The following LEKR1 variants were observed in gnomAD, a reference collection of about 807,000 sequenced individuals.
The protein encoded by LEKR1 is protein LEKR1.
A neutral mutation model predicts 72.4 loss-of-function variants in LEKR1; 59 were observed. The observed-to-expected ratio is 0.82, with a 90% confidence interval of 0.66 to 1.01. LEKR1 has a LOEUF of 1.01. Ranked by LOEUF, LEKR1 falls within the 50% of genes least tolerant of loss-of-function variation. The probability of loss-of-function intolerance (pLI) is 0.00; values close to 1 mark genes in which losing one functional copy is unlikely to be tolerated. For missense variants in LEKR1, 728 were observed against 759.2 expected (o/e 0.96, Z 0.48); for synonymous variants, 257 against 263.2 (o/e 0.98, Z 0.23).
chr3:156,927,512 A>G lies in LEKR1; in HGVS notation c.467A>G (p.Lys156Arg), dbSNP rs868046609. 8.3e-7 allele frequency: 1 copy of G among 1,211,846 alleles called. No homozygotes were observed. Among genetic ancestry groups the G allele is most frequent in the Non-Finnish European group, 1.1e-6 (1 of 945,176 alleles). The allele number at this position is 1,211,846 out of a possible 1,614,324, so 75.1% of individuals were successfully genotyped here. Residue 156 changes from lysine (K) to arginine (R), a missense_variant, in exon 5 of 13, where the codon AAA becomes AGA. Coordinates refer to ENST00000356539, the MANE Select transcript of LEKR1 (RefSeq NM_001004316.3). ...TFTKRELTSI[K>R]NEVYDNYQNW... ...ACTAAAAGGGAACTAACCAGTATTA[A>G]AAATGAAGTATATGATAATTACCAA...
At chr3:156,892,236 C>T (rs189097066) in intron 3 of LEKR1, among the ~76,000 whole-genome samples, 2 of 152,114 alleles carry the variant, frequency 1.3e-5, no homozygotes, top group African/African-American at 2.4e-5. Flanking sequence ...CGCCACCAGA[C>T]TAAGCGTAGA....
intron 3 of LEKR1, among the ~76,000 whole-genome samples, chr3:156,879,181 C>A (rs1718981106): frequency 6.6e-6 from 1 of 152,132 alleles, no homozygotes; most frequent in Admixed American, 6.5e-5. Flanking sequence ...ATGTTTGGAA[C>A]TTCCTATAGA....
At chr3:156,889,715 TG>T (rs1340338846) in intron 3 of LEKR1, among the ~76,000 whole-genome samples, 1 of 152,228 alleles carries the variant, frequency 6.6e-6, no homozygotes, top group Non-Finnish European at 1.5e-5. Context: ...GGTTTTTAGC[TG>T]CTACTAACTT....
intron 4 of LEKR1, chr3:156,924,398 T>G (rs1724513079): frequency 1.8e-6 from 1 of 543,504 alleles, no homozygotes; most frequent in African/African-American, 1.9e-5. Context: ...TTTGCAAATA[T>G]TTTCTCCCAG....
At chr3:156,864,534 T>C (rs1264031899) in intron 3 of LEKR1, among the ~76,000 whole-genome samples, 7 of 152,096 alleles carry the variant, frequency 4.6e-5, no homozygotes, top group Non-Finnish European at 1.0e-4. Flanking sequence ...TAGCTCCCCC[T>C]TTTCTTGCCA....
chr3:156,880,627 G>A (rs13090452), intron 3 of LEKR1, among the ~76,000 whole-genome samples: 108 of 152,208 alleles, frequency 7.1e-4, no homozygotes, highest in African/African-American at 2.4e-3. Flanking sequence ...AGAAAAAGAG[G>A]GAATCCTCCC....
chr3:157,025,612 C>T (rs1734130720), intron 11 of LEKR1, among the ~76,000 whole-genome samples: 1 of 152,206 alleles, frequency 6.6e-6, no homozygotes, highest in South Asian at 2.1e-4. Context: ...TTTCAGTAGT[C>T]CATTGTGAAC....
At chr3:156,940,275 T>A (rs6780475) in intron 5 of LEKR1, among the ~76,000 whole-genome samples, 132,198 of 152,226 alleles carry the variant, frequency 0.87, 57,714 homozygotes, top group African/African-American at 0.96. Flanking sequence ...TATGCATGTG[T>A]TCAGTGCAAT....
intron 6 of LEKR1, among the ~76,000 whole-genome samples, chr3:156,943,983 G>T: frequency 6.6e-6 from 1 of 151,092 alleles, no homozygotes; most frequent in Admixed American, 6.6e-5. Flanking sequence ...TAATTTTATA[G>T]CAAATTTTAT....
At chr3:157,039,445 C>A (rs1185659996) in intron 12 of LEKR1, among the ~76,000 whole-genome samples, 3 of 151,950 alleles carry the variant, frequency 2.0e-5, no homozygotes, top group Admixed American at 6.6e-5. Context: ...ATAGGGAGAC[C>A]CTGTTTTTAC....
intron 3 of LEKR1, among the ~76,000 whole-genome samples, chr3:156,870,571 A>G (rs1176968867): frequency 2.0e-5 from 3 of 152,084 alleles, no homozygotes; most frequent in African/African-American, 7.2e-5. Context: ...TATCAGATCT[A>G]AGAGTTTTTT....
chr3:156,949,483 T>C (rs1726969359), intron 6 of LEKR1, among the ~76,000 whole-genome samples: 1 of 151,624 alleles, frequency 6.6e-6, no homozygotes, highest in Non-Finnish European at 1.5e-5. Context: ...GTTTGCGTTT[T>C]TATTTCTGTG....
chr3:156,993,015 T>C (rs1028850403), intron 8 of LEKR1, 59 bp from the exon 9 acceptor site: 3 of 862,882 alleles, frequency 3.5e-6, no homozygotes, highest in African/African-American at 3.4e-5. Flanking sequence ...ACATCTTTGG[T>C]AAATATAAAA....
intron 9 of LEKR1, among the ~76,000 whole-genome samples, chr3:157,001,677 A>G (rs1732024980): frequency 6.6e-6 from 1 of 152,134 alleles, no homozygotes; most frequent in Non-Finnish European, 1.5e-5. Flanking sequence ...CAATAGCCAC[A>G]CCTCCATCTG....
rs2046272 is a variant in LEKR1, at chr3:157,013,954, C to T, written c.1203+2448C>T. The stretch of plus-strand genomic sequence containing the variant: ...TATTTTAGAGTATGTAAAAAGCACA[C>T]AATAAGATCAATAGTTGCTATGCAA... On this transcript the variant is annotated intron_variant, in intron 10 of 12. Coordinates refer to ENST00000356539, the MANE Select transcript of LEKR1 (RefSeq NM_001004316.3). Among the ~76,000 whole-genome samples the T allele has an allele frequency of 1.6e-4, 24 of 152,076 alleles. No homozygotes were observed. The South Asian group carries it at 3.9e-3, about 25-fold the overall frequency.
intron 2 of LEKR1, among the ~76,000 whole-genome samples, chr3:156,846,958 G>A (rs561998631): frequency 7.2e-5 from 11 of 152,146 alleles, no homozygotes; most frequent in East Asian, 5.8e-4. Flanking sequence ...GACTGCAGGC[G>A]CACACCACCA....
chr3:156,971,036 A>G (rs1333833463), intron 6 of LEKR1, among the ~76,000 whole-genome samples: 1 of 152,008 alleles, frequency 6.6e-6, no homozygotes, highest in Non-Finnish European at 1.5e-5. Context: ...CGCCAAGTCA[A>G]TCCTAAGCCA....
chr3:156,974,138 T>C (rs1729490995), intron 6 of LEKR1, among the ~76,000 whole-genome samples: 1 of 152,140 alleles, frequency 6.6e-6, no homozygotes, highest in Admixed American at 6.6e-5. Flanking sequence ...ATCACTATGG[T>C]ACTGGATAAG....
intron 2 of LEKR1, among the ~76,000 whole-genome samples, chr3:156,842,143 C>T (rs1285003445): frequency 6.6e-6 from 1 of 152,162 alleles, no homozygotes; most frequent in African/African-American, 2.4e-5. Flanking sequence ...CAAAATCAGT[C>T]TCTGGTGCCA....
Sources: gnomAD v4.1 joint callset for allele counts (sites outside exome capture counted in the v4.1 genomes callset) on GRCh38, gnomAD v4.1.1 for gene constraint, MANE v1.5 for transcripts, NCBI Gene and HGNC (gene_info 2026-07-23, HGNC 2026-07-21) for gene names.